Variants in HDHD5 observed in about 807,000 individuals in gnomAD.
HDHD5 encodes the protein haloacid dehalogenase-like hydrolase domain-containing 5.
HDHD5 carries 34 observed loss-of-function variants against 35.5 expected under a neutral mutation model. The observed-to-expected ratio is 0.96, with a 90% confidence interval of 0.73 to 1.28. The LOEUF is 1.28. Ranked by LOEUF, HDHD5 falls within the 50% of genes most tolerant of loss-of-function variation. HDHD5 has a pLI of 0.00. For synonymous variants in HDHD5, 248 were observed against 240.6 expected, an observed-to-expected ratio of 1.03 and a Z score of -0.29; for missense variants, 589 against 560.2, an observed-to-expected ratio of 1.05 and a Z score of -0.52.
intron 5 of HDHD5, 174 bp downstream of exon 5, chr22:17,142,924 C>T: frequency 8.1e-6 from 5 of 615,156 alleles, no homozygotes; most frequent in Non-Finnish European, 1.4e-5. Flanking sequence ...GAAGGAAAGA[C>T]TAACAACAGT....
chr22:17,147,597 T>C (rs1185088207), intron 3 of HDHD5, among the ~76,000 whole-genome samples: 3 of 123,132 alleles, frequency 2.4e-5, no homozygotes, highest in Non-Finnish European at 3.4e-5. Context: ...CCCACACCTG[T>C]GGCGCCCTCC....
chr22:17,143,127 A>G lies in HDHD5; in HGVS notation c.542T>C (p.Leu181Pro). Residue 181 changes from leucine to proline, a missense_variant, in exon 5 of 8, where the codon CTC becomes CCC. Transcript: ENST00000336737. ...DLERRLKTTPLPRNDFPRIEG... is the reference protein window; with the variant it reads ...DLERRLKTTPPPRNDFPRIEG... ...AATGCGGGGGAAGTCATTCCTCGGG[A>G]GGGGCTGCAGAGAGACAAAGGAGAG... 6.2e-7 allele frequency: 1 copy of G among 1,609,128 alleles called. No individual in the cohort carries two copies. The highest frequency in any genetic ancestry group is 2.2e-5 in the East Asian group (1 of 44,574).
At chr22:17,159,577 C>A, upstream of HDHD5, 1 of 431,812 alleles carries the variant, frequency 2.3e-6, no homozygotes, top group Non-Finnish European at 4.6e-6. Flanking sequence ...AGGCCCCAGG[C>A]CGGCCTCCCT....
chr22:17,159,340 G>C (rs1264621223), upstream of HDHD5: 71 of 1,196,224 alleles, frequency 5.9e-5, no homozygotes, highest in Middle Eastern at 2.9e-4. Context: ...GTCGGCGCGC[G>C]CGGCATCACG....
intron 2 of HDHD5, among the ~76,000 whole-genome samples, chr22:17,149,065 T>C (rs1012126834): frequency 1.3e-5 from 2 of 152,262 alleles, no homozygotes; most frequent in African/African-American, 4.8e-5. Flanking sequence ...CATGCAACTT[T>C]GAGCAGCATC....
At chr22:17,159,333 G>A, upstream of HDHD5, 1 of 1,214,178 alleles carries the variant, frequency 8.2e-7, no homozygotes, top group Non-Finnish European at 1.0e-6. Context: ...ATCAGCGGTC[G>A]GCGCGCGCGG....
intron 4 of HDHD5, 42 bp downstream of exon 4, chr22:17,144,982 A>G (rs1478777741): frequency 6.2e-7 from 1 of 1,610,328 alleles, no homozygotes; most frequent in Non-Finnish European, 8.5e-7. Flanking sequence ...GCACTGGAGG[A>G]GTGAAGGATG....
intron 1 of HDHD5, among the ~76,000 whole-genome samples, chr22:17,157,271 C>CTTTTCTT (rs1555881573): frequency 0.031 from 4,275 of 136,650 alleles, 82 homozygotes; most frequent in South Asian, 0.056. Flanking sequence ...GGTTAATTTT[C>CTTTTCTT]TTTTTTTTTT....
At chr22:17,153,909 T>C (rs2061755858) in intron 1 of HDHD5, among the ~76,000 whole-genome samples, 1 of 152,048 alleles carries the variant, frequency 6.6e-6, no homozygotes, top group Non-Finnish European at 1.5e-5. Flanking sequence ...CCAACACTTT[T>C]TTGTGGCGTG....
chr22:17,145,693 A>T (rs1331313166), intron 3 of HDHD5, among the ~76,000 whole-genome samples: 2 of 151,990 alleles, frequency 1.3e-5, no homozygotes, highest in African/African-American at 4.8e-5. Context: ...CCCTGTCTCA[A>T]AAAAAAACAA....
chr22:17,146,230 T>G (rs1233536423), intron 3 of HDHD5, among the ~76,000 whole-genome samples: 1 of 152,092 alleles, frequency 6.6e-6, no homozygotes, highest in Non-Finnish European at 1.5e-5. Context: ...GGGGCTCCGC[T>G]GTACCCCTCC....
chr22:17,146,491 C>A lies in HDHD5; in HGVS notation c.444-1374G>T, dbSNP rs368132773. On this transcript the variant is annotated intron_variant, in intron 3 of 7. Coordinates refer to ENST00000336737, the MANE Select transcript of HDHD5 (RefSeq NM_033070.3). ...CGCACACGCTCCACACCTGTGGCGCCCTCCTGTGAGCTTACCGGCCTTCAA... is the reference window on the plus strand; with the variant it reads ...CGCACACGCTCCACACCTGTGGCGCACTCCTGTGAGCTTACCGGCCTTCAA... Among the ~76,000 whole-genome samples, 37 of 142,316 alleles carry A rather than the reference C, an allele frequency of 2.6e-4. No homozygotes were observed. The East Asian group carries it at 4.5e-3, about 17-fold the overall frequency. The allele number at this position is 142,316 out of a possible 152,430, so 93.4% of individuals were successfully genotyped here.
At chr22:17,146,215 C>T (rs1000311689) in intron 3 of HDHD5, among the ~76,000 whole-genome samples, 11 of 152,100 alleles carry the variant, frequency 7.2e-5, no homozygotes, top group African/African-American at 2.7e-4. Flanking sequence ...GCTTAGCCAT[C>T]TCCTGGGGCT....
In HDHD5 at chr22:17,148,473, CCT is replaced by C. The variant is rs1230888258; in HGVS notation, c.416_417del (p.Gln139ArgfsTer20). The C allele has an allele frequency of 1.1e-5, 17 of 1,614,122 alleles. No individual in the cohort carries two copies. Among genetic ancestry groups the C allele is most frequent in the East Asian group, 2.2e-5 (1 of 44,886 alleles). On this transcript the variant is annotated frameshift_variant, in exon 3 of 8. Transcript: ENST00000336737. LOFTEE classifies it high-confidence loss of function. ...YHEKRMLVSG[Q>X]GPVMENAQGL... ...CCCTGGGCATTTTCCATCACGGGCC[CCT>C]GTCCAGACACCAGCATCCGCTTCTC...
chr22:17,162,347 C>T (rs1364616279), upstream of HDHD5, among the ~76,000 whole-genome samples: 1 of 152,230 alleles, frequency 6.6e-6, no homozygotes, highest in Non-Finnish European at 1.5e-5. Flanking sequence ...ATTCGTTATA[C>T]AGCAAAAGAT....
intron 1 of HDHD5, among the ~76,000 whole-genome samples, chr22:17,152,783 C>A (rs978535507): frequency 1.3e-5 from 2 of 152,018 alleles, no homozygotes; most frequent in Non-Finnish European, 2.9e-5. Flanking sequence ...TGTCTCGGGT[C>A]CAGTAAAACA....
At chr22:17,156,259 T>C (rs1388367109) in intron 1 of HDHD5, among the ~76,000 whole-genome samples, 11 of 152,216 alleles carry the variant, frequency 7.2e-5, no homozygotes, top group Middle Eastern at 3.4e-3. Flanking sequence ...GACCCGACCT[T>C]ATGTAGGCCT....
At chr22:17,144,476 T>C (rs2061635777) in intron 4 of HDHD5, among the ~76,000 whole-genome samples, 1 of 150,472 alleles carries the variant, frequency 6.6e-6, no homozygotes, top group South Asian at 2.1e-4. Context: ...TGCAATGGTG[T>C]GATGTCAGCT....
chr22:17,148,485 C>T lies in HDHD5; in HGVS notation c.406G>A (p.Val136Met), dbSNP rs149840976. The T allele has an allele frequency of 1.9e-6, 3 of 1,614,076 alleles. No individual in the cohort carries two copies. In the African/African-American group the frequency reaches 4.0e-5, roughly 22 times the overall value. ...FSEYHEKRML[V>M]SGQGPVMENA... ...TCCATCACGGGCCCCTGTCCAGACA[C>T]CAGCATCCGCTTCTCATGGTACTCG... The change falls in exon 3 of 8, where the codon GTG becomes ATG. Residue 136 changes from valine (V) to methionine (M), a missense_variant. Transcript: ENST00000336737.
Sources: allele counts gnomAD v4.1 joint callset (sites outside exome capture counted in the v4.1 genomes callset), GRCh38; gene constraint gnomAD v4.1.1; transcripts MANE v1.5; gene names NCBI Gene and HGNC (gene_info 2026-07-23, HGNC 2026-07-21).